The following F2RL2 variants were observed in gnomAD, a reference collection of about 807,000 sequenced individuals.
F2RL2 encodes coagulation factor II thrombin receptor like 2.
F2RL2 carries 4 observed loss-of-function variants against 4.3 expected under a neutral mutation model. That is an observed-to-expected ratio of 0.93 (90% confidence interval 0.46 to 2.12). The LOEUF (loss-of-function observed/expected upper bound fraction) is 2.12. Among genes scored for constraint, F2RL2 ranks in the 30% most tolerant of loss-of-function variants. The pLI, the probability that F2RL2 is intolerant of heterozygous loss-of-function variation, is 0.02. For synonymous variants in F2RL2, 166 were observed against 170.9 expected, an observed-to-expected ratio of 0.97 and a Z score of 0.22; for missense variants, 408 against 449.3, an observed-to-expected ratio of 0.91 and a Z score of 0.83.
chr5:76,618,004 A>G lies in F2RL2; in HGVS notation c.703T>C (p.Tyr235His). Residue 235 changes from tyrosine to histidine, a missense_variant, in exon 2 of 2, where the codon TAT becomes CAT. Transcript: ENST00000296641. ...GTGATGTCTGGCTGAACAAGATAAT[A>G]TTCCTGCTTCAGTATGAAAAATGGC... is the stretch of plus-strand genomic sequence containing the variant. ...MLPFFILKQE[Y>H]YLVQPDITTC... 1 of 1,614,196 alleles carries G rather than the reference A, an allele frequency of 6.2e-7. No individual in the cohort carries two copies. Among genetic ancestry groups the G allele is most frequent in the Non-Finnish European group, 8.5e-7 (1 of 1,180,038 alleles).
chr5:76,618,067 A>G lies in F2RL2; in HGVS notation c.640T>C (p.Cys214Arg). 1 of 1,614,156 alleles carries G rather than the reference A, an allele frequency of 6.2e-7. No homozygotes were observed. Among genetic ancestry groups the G allele is most frequent in the South Asian group, 1.1e-5 (1 of 91,086 alleles). ...LPKHTYALVT[C>R]GLVWATVFLY... Reference sequence around the variant, plus strand: ...AAAACTGTTGCCCACACCAGTCCACATGTTACCAAGGCATAGGTGTGCTTG... The same window carrying G: ...AAAACTGTTGCCCACACCAGTCCACGTGTTACCAAGGCATAGGTGTGCTTG... The change falls in exon 2 of 2, where the codon TGT becomes CGT. Residue 214 changes from cysteine (C) to arginine (R), a missense_variant. Cys to Arg is a radical substitution (Grantham distance 180, BLOSUM62 -3). Coordinates refer to ENST00000296641, the MANE Select transcript of F2RL2 (RefSeq NM_004101.4).
rs1561518620 is a variant in F2RL2 at position 76,619,514 on chromosome 5, C to CCTTTTTTTTTTTTTTTTT, written c.65-873_65-872insAAAAAAAAAAAAAAAAAG. ...CAGATCTAACTTAGTTAAGGATCTT[C>CCTTTTTTTTTTTTTTTTT]TTTTTTTTTTTTTTTTTTTTTTGAG... On this transcript the variant is annotated intron_variant, in intron 1 of 1. Coordinates refer to ENST00000296641, the MANE Select transcript of F2RL2 (RefSeq NM_004101.4). 7.7e-5 allele frequency among the ~76,000 whole-genome samples: 8 copies of CCTTTTTTTTTTTTTTTTT among 104,266 alleles called. 1 individual carries two copies. Among genetic ancestry groups the CCTTTTTTTTTTTTTTTTT allele is most frequent in the Non-Finnish European group, 1.1e-4 (6 of 52,746 alleles). The allele number at this position is 104,266 out of a possible 152,430, so 68.4% of individuals were successfully genotyped here. A position where few individuals can be genotyped will look rare whatever the true frequency, so the allele number is the denominator to read the frequency against.
In F2RL2 at chr5:76,618,443, C is replaced by T; in HGVS notation, c.264G>A (p.Leu88=). ...TCAGTTTAGTACTTAAGGAGCTGGT[C>T]AGGTACCCCATGGTAGCATTTTTCA... ...LHVKNATMGY[L]TSSLSTKLIP... is the part of the protein sequence containing the mutation. Residue 88 remains leucine, a synonymous_variant, in exon 2 of 2, where the codon CTG becomes CTA. Transcript: ENST00000296641. 6.2e-7 allele frequency: 1 copy of T among 1,614,154 alleles called. No homozygotes were observed. The highest frequency in any genetic ancestry group is 8.5e-7 in the Non-Finnish European group (1 of 1,180,024).
chr5:76,619,580 G>A (rs373305890), intron 1 of F2RL2, among the ~76,000 whole-genome samples: 218 of 142,968 alleles, frequency 1.5e-3, no homozygotes, highest in African/African-American at 5.5e-3. Flanking sequence ...GCAGTGGCAC[G>A]ATCTCAGCTC....
intron 1 of F2RL2, among the ~76,000 whole-genome samples, chr5:76,621,264 G>A (rs150178893): frequency 2.2e-4 from 34 of 152,254 alleles, no homozygotes; most frequent in African/African-American, 3.8e-4. Context: ...CTGAATTCAC[G>A]GTGTAAAATA....
chr5:76,621,196 T>C (rs1051150541), intron 1 of F2RL2, among the ~76,000 whole-genome samples: 5 of 152,214 alleles, frequency 3.3e-5, no homozygotes, highest in African/African-American at 1.2e-4. Flanking sequence ...CTTTAATCTC[T>C]AGCAGTTAGC....
intron 1 of F2RL2, among the ~76,000 whole-genome samples, chr5:76,619,514 C>CTTT (rs773323091): frequency 7.5e-4 from 78 of 104,228 alleles, no homozygotes; most frequent in East Asian, 2.2e-3. Flanking sequence ...TAAGGATCTT[C>CTTT]TTTTTTTTTT....
In F2RL2 at chr5:76,617,831, G is replaced by A. The variant is rs201640652; in HGVS notation, c.876C>T (p.Tyr292=). The A allele has an allele frequency of 8.4e-5, 136 of 1,613,730 alleles. No homozygotes were observed. Among genetic ancestry groups the A allele is most frequent in the Middle Eastern group, 1.6e-4 (1 of 6,084 alleles). Residue 292 remains tyrosine (Y), a synonymous_variant, in exon 2 of 2, where the codon TAC becomes TAT. Coordinates refer to ENST00000296641, the MANE Select transcript of F2RL2 (RefSeq NM_004101.4). ...TAACATACCACAACCATCTATGATCGTATGCATTAAGTGTCCGGATGATGG... is the reference window on the plus strand; with the variant it reads ...TAACATACCACAACCATCTATGATCATATGCATTAAGTGTCCGGATGATGG... ...YAAIIRTLNA[Y]DHRWLWYVKA... is the part of the protein sequence containing the mutation.
chr5:76,617,484 T>C lies in F2RL2; in HGVS notation c.*98A>G, dbSNP rs1234118607. On this transcript the variant is annotated 3_prime_UTR_variant, in exon 2 of 2. Transcript: ENST00000296641. The stretch of plus-strand genomic sequence containing the variant: ...TGTTTGACCTTTGAAGCATATTTCT[T>C]AGGAGCTCGGAAATGGAGCTCCTTG... 19 of 877,812 alleles carry C rather than the reference T, an allele frequency of 2.2e-5. No homozygotes were observed. Among genetic ancestry groups the C allele is most frequent in the Non-Finnish European group, 1.8e-6 (1 of 569,866 alleles). 54.4% of individuals were successfully genotyped at this position (877,812 alleles called of 1,614,324 possible).
chr5:76,619,418 C>A (rs1749366981), intron 1 of F2RL2, among the ~76,000 whole-genome samples: 3 of 152,048 alleles, frequency 2.0e-5, no homozygotes, highest in Admixed American at 6.6e-5. Flanking sequence ...ATAGTAGCCC[C>A]CCGCAAAGAT....
In F2RL2 at chr5:76,618,448, A is replaced by G; in HGVS notation, c.259T>C (p.Tyr87His). The G allele has an allele frequency of 6.2e-7, 1 of 1,614,146 alleles. No homozygotes were observed. Among genetic ancestry groups the G allele is most frequent in the Non-Finnish European group, 8.5e-7 (1 of 1,180,018 alleles). Residue 87 changes from tyrosine to histidine, a missense_variant, in exon 2 of 2, where the codon TAC becomes CAC. By Grantham distance (83) the Tyr-to-His change is moderately conservative. Coordinates refer to ENST00000296641, the MANE Select transcript of F2RL2 (RefSeq NM_004101.4). ...TTAGTACTTAAGGAGCTGGTCAGGTACCCCATGGTAGCATTTTTCACATGG... is the reference window on the plus strand; with the variant it reads ...TTAGTACTTAAGGAGCTGGTCAGGTGCCCCATGGTAGCATTTTTCACATGG... The part of the protein sequence containing the change: ...HLHVKNATMG[Y>H]LTSSLSTKLI...
At chr5:76,621,704 C>G (rs1431956378) in intron 1 of F2RL2, among the ~76,000 whole-genome samples, 1 of 152,168 alleles carries the variant, frequency 6.6e-6, no homozygotes, top group Non-Finnish European at 1.5e-5. Flanking sequence ...CGTGAGAATG[C>G]CAGATCTGGG....
chr5:76,615,536 A>G lies in F2RL2; in HGVS notation c.*2046T>C, dbSNP rs779408725. 1 of 152,228 alleles carries G rather than the reference A, an allele frequency of 6.6e-6. No individual in the cohort carries two copies. The highest frequency in any genetic ancestry group is 1.5e-5 in the Non-Finnish European group (1 of 68,026). 9.4% of individuals were successfully genotyped at this position (152,228 alleles called of 1,614,324 possible). ...TTGGGCAGTATGAAATATACAGTCA[A>G]GGCAGATTCGTACAGACTTGTAAAG... On this transcript the variant is annotated 3_prime_UTR_variant, in exon 2 of 2. Coordinates refer to ENST00000296641, the MANE Select transcript of F2RL2 (RefSeq NM_004101.4).
Position 76,623,296 on chromosome 5 carries a change from C to T in F2RL2, c.-66G>A. 1.9e-6 allele frequency: 3 copies of T among 1,570,110 alleles called. No individual in the cohort carries two copies. The highest frequency in any genetic ancestry group is 2.6e-6 in the Non-Finnish European group (3 of 1,140,354). ...TGTAAAATCATGGAGCACAATTTCA[C>T]CTCAGTTCCATGTGTCAGCAGCAAA... On this transcript the variant is annotated 5_prime_UTR_variant, in exon 1 of 2. It adds an upstream start codon to the 5' untranslated region. Coordinates refer to ENST00000296641, the MANE Select transcript of F2RL2 (RefSeq NM_004101.4).
Position 76,615,797 on chromosome 5 carries a change from AT to A in F2RL2, c.*1784del, listed in dbSNP as rs1329552572. The A allele has an allele frequency of 6.6e-6, 1 of 152,432 alleles. No individual in the cohort carries two copies. Among genetic ancestry groups the A allele is most frequent in the Non-Finnish European group, 1.5e-5 (1 of 67,988 alleles). 9.4% of individuals were successfully genotyped at this position (152,432 alleles called of 1,614,324 possible). On this transcript the variant is annotated 3_prime_UTR_variant, in exon 2 of 2. Coordinates refer to ENST00000296641, the MANE Select transcript of F2RL2 (RefSeq NM_004101.4). ...AAATTCCATTTCCCCATTAAAAGCTATGTCTAAGAAAAAAAATAGTGGAGGC... is the reference window on the plus strand; with the variant it reads ...AAATTCCATTTCCCCATTAAAAGCTAGTCTAAGAAAAAAAATAGTGGAGGC...
At chr5:76,619,885 A>G (rs1749464748) in intron 1 of F2RL2, among the ~76,000 whole-genome samples, 1 of 152,116 alleles carries the variant, frequency 6.6e-6, no homozygotes, top group Non-Finnish European at 1.5e-5. Context: ...ATAACAGTCC[A>G]TATAAGGGGA....
rs1748910990 is a variant in F2RL2 at position 76,615,853 on chromosome 5, A to C, written c.*1729T>G. On this transcript the variant is annotated 3_prime_UTR_variant, in exon 2 of 2. Coordinates refer to ENST00000296641, the MANE Select transcript of F2RL2 (RefSeq NM_004101.4). ...TTTAAAACTTCTAAATGGCCTGGTG[A>C]GTATAGTCTTAGTTTAGCTTCCTTA... The C allele has an allele frequency of 6.6e-6, 1 of 152,640 alleles. No homozygotes were observed. The highest frequency in any genetic ancestry group is 2.4e-5 in the African/African-American group (1 of 41,452). The allele number at this position is 152,640 out of a possible 1,614,324, so 9.5% of individuals were successfully genotyped here. A position where few individuals can be genotyped will look rare whatever the true frequency, so the allele number is the denominator to read the frequency against.
intron 1 of F2RL2, among the ~76,000 whole-genome samples, chr5:76,622,957 C>T (rs1276793047): frequency 2.6e-5 from 4 of 152,178 alleles, no homozygotes; most frequent in African/African-American, 9.7e-5. Flanking sequence ...TTTTAAACAT[C>T]AGGAGGGAAC....
In F2RL2 at chr5:76,615,574, T is replaced by A. The variant is rs1047530; in HGVS notation, c.*2008A>T. The A allele has an allele frequency of 6.6e-6, 1 of 152,018 alleles. No homozygotes were observed. Among genetic ancestry groups the A allele is most frequent in the Non-Finnish European group, 1.5e-5 (1 of 67,982 alleles). 9.4% of individuals were successfully genotyped at this position (152,018 alleles called of 1,614,324 possible). ...CAGACTTGTAAAGTCATCTCAGGAA[T>A]CTTTTATGCTTAAAGTTTCCTCAGC... On this transcript the variant is annotated 3_prime_UTR_variant, in exon 2 of 2. Coordinates refer to ENST00000296641, the MANE Select transcript of F2RL2 (RefSeq NM_004101.4).
Sources: gnomAD v4.1 joint callset for allele counts (sites outside exome capture counted in the v4.1 genomes callset) on GRCh38, gnomAD v4.1.1 for gene constraint, MANE v1.5 for transcripts, NCBI Gene and HGNC (gene_info 2026-07-23, HGNC 2026-07-21) for gene names.